Variants in DTNB observed in about 807,000 individuals in gnomAD.
DTNB encodes dystrobrevin beta.
A neutral mutation model predicts 90.7 loss-of-function variants in DTNB; 63 were observed. That is an observed-to-expected ratio of 0.69 (90% confidence interval 0.57 to 0.86). DTNB has a LOEUF of 0.86. DTNB is among the 40% of genes least tolerant of loss of function. DTNB has a pLI of 0.00. For missense variants in DTNB, 744 were observed against 807.1 expected (o/e 0.92, Z 0.95); for synonymous variants, 277 against 286.7 (o/e 0.97, Z 0.34).
At chr2:25,571,626 C>G (rs1332284170) in intron 8 of DTNB, among the ~76,000 whole-genome samples, 2 of 152,154 alleles carry the variant, frequency 1.3e-5, no homozygotes, top group Non-Finnish European at 2.9e-5. Context: ...CCCTATTCAA[C>G]CTCCAATCTC....
rs149029634 is a variant in DTNB, at chr2:25,524,176, C to T, written c.1001+7297G>A. 4.3e-3 allele frequency among the ~76,000 whole-genome samples: 653 copies of T among 152,194 alleles called. 4 individuals carry two copies. Among genetic ancestry groups the T allele is most frequent in the African/African-American group, 0.015 (612 of 41,524 alleles). On this transcript the variant is annotated intron_variant, in intron 9 of 20. Transcript: ENST00000406818. ...TCAGCCTCCCAAAGTGCTGGGATCA[C>T]AGGCATGAGCCACCGTGCCCGGCCC...
At chr2:25,459,860 C>A (rs1457861257) in intron 10 of DTNB, among the ~76,000 whole-genome samples, 1 of 152,054 alleles carries the variant, frequency 6.6e-6, no homozygotes, top group Admixed American at 6.6e-5. Context: ...GTAATCCCAG[C>A]ACGTTGGGAG....
chr2:25,381,871 C>T (rs1393673414), intron 19 of DTNB, among the ~76,000 whole-genome samples: 1 of 152,250 alleles, frequency 6.6e-6, no homozygotes. Flanking sequence ...CGTGAGACTC[C>T]AAAGACGACC....
Position 25,433,934 on chromosome 2 carries a change from A to G in DTNB, c.1319T>C (p.Ile440Thr). 6.2e-7 allele frequency: 1 copy of G among 1,613,888 alleles called. No individual in the cohort carries two copies. The highest frequency in any genetic ancestry group is 1.1e-5 in the South Asian group (1 of 91,078). The change falls in exon 13 of 21, where the codon ATT becomes ACT. Residue 440 changes from isoleucine to threonine, a missense_variant. Transcript: ENST00000406818. The stretch of plus-strand genomic sequence containing the variant: ...CCTGTTTTTGTTTTCCAGTTCTGCA[A>G]TAAGCTGTCTTTGTTGTTTGTTGGC... ...FDANKQQRQL[I>T]AELENKNREI...
intron 3 of DTNB, among the ~76,000 whole-genome samples, chr2:25,637,971 A>G (rs1297337540): frequency 1.3e-5 from 2 of 152,240 alleles, no homozygotes; most frequent in Admixed American, 6.5e-5. Flanking sequence ...AATGCCCATC[A>G]ATGATAGACT....
chr2:25,527,950 C>G (rs2077472042), intron 9 of DTNB, among the ~76,000 whole-genome samples: 2 of 152,062 alleles, frequency 1.3e-5, no homozygotes, highest in African/African-American at 4.8e-5. Flanking sequence ...AAAATAACCC[C>G]CAAATCTAGG....
In DTNB at chr2:25,482,837, C is replaced by T; in HGVS notation, c.1038G>A (p.Met346Ile). Residue 346 changes from methionine to isoleucine, a missense_variant, in exon 10 of 21, where the codon ATG becomes ATA. Transcript: ENST00000406818. Reference protein sequence around the residue: ...PRPLTNMNDTMVSHMSSGVPT... With the variant: ...PRPLTNMNDTIVSHMSSGVPT... ...GCACTCCAGAGGACATGTGGCTAAC[C>T]ATGGTGTCATTCATATTAGTCAGAG... The T allele has an allele frequency of 6.2e-7, 1 of 1,612,346 alleles. No individual in the cohort carries two copies. Among genetic ancestry groups the T allele is most frequent in the South Asian group, 1.1e-5 (1 of 90,994 alleles).
intron 1 of DTNB, among the ~76,000 whole-genome samples, chr2:25,666,602 T>A (rs2084503413): frequency 6.6e-6 from 1 of 152,248 alleles, no homozygotes; most frequent in Admixed American, 6.5e-5. Context: ...GTACATTCTT[T>A]GATGCATCCT....
At chr2:25,504,588 AAG>A (rs1446729193) in intron 9 of DTNB, among the ~76,000 whole-genome samples, 2 of 151,230 alleles carry the variant, frequency 1.3e-5, no homozygotes, top group African/African-American at 2.4e-5. Context: ...AAAGAAAAGA[AAG>A]AGAAAGAAGG....
chr2:25,614,605 A>G (rs918833984), intron 4 of DTNB, among the ~76,000 whole-genome samples: 3 of 152,214 alleles, frequency 2.0e-5, no homozygotes, highest in African/African-American at 7.2e-5. Context: ...TGTATGCTGA[A>G]AACTACAAAA....
At chr2:25,665,575 G>C (rs2084230721) in intron 1 of DTNB, among the ~76,000 whole-genome samples, 1 of 151,904 alleles carries the variant, frequency 6.6e-6, no homozygotes, top group Non-Finnish European at 1.5e-5. Context: ...ACAATGAGCT[G>C]AGATCGTGCC....
intron 11 of DTNB, among the ~76,000 whole-genome samples, chr2:25,452,627 A>G (rs1311597362): frequency 6.6e-6 from 1 of 152,228 alleles, no homozygotes; most frequent in Non-Finnish European, 1.5e-5. Flanking sequence ...CATGACTTCA[A>G]TACTCATCGA....
rs770843448 is a variant in DTNB, at chr2:25,451,611, C to T, written c.1194G>A (p.Leu398=). Residue 398 remains leucine, a synonymous_variant, in exon 12 of 21, where the codon CTG becomes CTA. Transcript: ENST00000406818. The stretch of plus-strand genomic sequence containing the variant: ...GAGCTATAAGACGGTGTTCCTCATC[C>T]AGTCGGCTAGGACTGTCCAGAACAC... ...CARVLDSPSR[L]DEEHRLIARY... 6.2e-7 allele frequency: 1 copy of T among 1,604,464 alleles called. No individual in the cohort carries two copies. Among genetic ancestry groups the T allele is most frequent in the African/African-American group, 1.3e-5 (1 of 74,898 alleles).
chr2:25,628,863 G>A (rs2075048867), intron 3 of DTNB, among the ~76,000 whole-genome samples: 1 of 152,182 alleles, frequency 6.6e-6, no homozygotes, highest in Admixed American at 6.5e-5. Flanking sequence ...ATATGCTTTA[G>A]AGGCTACTCA....
chr2:25,455,881 C>T (rs992291769), intron 10 of DTNB, among the ~76,000 whole-genome samples: 1 of 152,244 alleles, frequency 6.6e-6, no homozygotes, highest in Non-Finnish European at 1.5e-5. Context: ...AATATCACTA[C>T]ATGACCCCCT....
At chr2:25,422,691 C>T (rs2050173473) in intron 15 of DTNB, among the ~76,000 whole-genome samples, 1 of 152,040 alleles carries the variant, frequency 6.6e-6, no homozygotes, top group South Asian at 2.1e-4. Context: ...AGCCACCACG[C>T]CTGGCCTGGT....
chr2:25,422,858 GAT>G lies in DTNB; in HGVS notation c.1555-3325_1555-3324del, dbSNP rs1558459187. 9.9e-5 allele frequency among the ~76,000 whole-genome samples: 15 copies of G among 152,282 alleles called. No homozygotes were observed. In the South Asian group the frequency reaches 2.9e-3, roughly 29 times the overall value. On this transcript the variant is annotated intron_variant, in intron 15 of 20. Transcript: ENST00000406818. The stretch of plus-strand genomic sequence containing the variant: ...AATCAGGTAAAAAGTATAAGGGAAA[GAT>G]ATGTAGAGAAACATGAATGCCTGAG...
chr2:25,422,313 C>CTAGAT (rs960648774), intron 15 of DTNB, among the ~76,000 whole-genome samples: 1 of 150,898 alleles, frequency 6.6e-6, no homozygotes, highest in African/African-American at 2.4e-5. Context: ...TACACTCAAA[C>CTAGAT]TAGATAAGCA....
intron 13 of DTNB, 62 bp downstream of exon 13, chr2:25,433,848 G>A (rs2054771889): frequency 8.9e-6 from 14 of 1,577,114 alleles, no homozygotes; most frequent in African/African-American, 1.4e-5. Context: ...AGGAAAATGA[G>A]AATCAGATAC....
Sources: allele counts gnomAD v4.1 joint callset (sites outside exome capture counted in the v4.1 genomes callset), GRCh38; gene constraint gnomAD v4.1.1; transcripts MANE v1.5; gene names NCBI Gene and HGNC (gene_info 2026-07-23, HGNC 2026-07-21).